LHFPL2: variants seen among roughly 807,000 people sequenced by gnomAD.
LHFPL2 encodes LHFPL tetraspan subfamily member 2.
LHFPL2 carries 7 observed loss-of-function variants against 17.5 expected under a neutral mutation model. That is an observed-to-expected ratio of 0.40 (90% confidence interval 0.23 to 0.75). The LOEUF is 0.75. LHFPL2 is among the 30% of genes least tolerant of loss of function. The pLI is 0.37. For synonymous variants in LHFPL2, 134 were observed against 116.2 expected (o/e 1.15, Z -0.99); for missense variants, 241 against 294.8 (o/e 0.82, Z 1.34).
rs577736306 is a variant in LHFPL2 at position 78,584,603 on chromosome 5, A to T, written c.-244-19732T>A. On this transcript the variant is annotated intron_variant, in intron 2 of 4. Coordinates refer to ENST00000380345, the MANE Select transcript of LHFPL2 (RefSeq NM_005779.3). ...CTCCCAGTTAGGATGCTCGGGGGTC[A>T]GGGGTCAGGGACCCACTTGAGGAGG... Among the ~76,000 whole-genome samples the T allele has an allele frequency of 4.6e-5, 7 of 152,268 alleles. No homozygotes were observed. The South Asian group carries it at 1.5e-3, about 32-fold the overall frequency.
chr5:78,517,804 C>T (rs1023193764), intron 3 of LHFPL2, among the ~76,000 whole-genome samples: 4 of 152,226 alleles, frequency 2.6e-5, no homozygotes, highest in African/African-American at 9.7e-5. Context: ...ACCATACCAG[C>T]ATCTATAGCC....
At position 78,583,511 on chromosome 5, in the gene LHFPL2, G is replaced by A. The variant is rs1453415683; in HGVS notation, c.-244-18640C>T. ...AAAATCTCTCAGCATTTGCTTGTCTGTAAAGTATTTTATTTCTCCTTCACT... is the reference window on the plus strand; with the variant it reads ...AAAATCTCTCAGCATTTGCTTGTCTATAAAGTATTTTATTTCTCCTTCACT... On this transcript the variant is annotated intron_variant, in intron 2 of 4. Coordinates refer to ENST00000380345, the MANE Select transcript of LHFPL2 (RefSeq NM_005779.3). 3.5e-4 allele frequency among the ~76,000 whole-genome samples: 52 copies of A among 150,044 alleles called. 1 individual carries two copies. In the East Asian group the frequency reaches 5.4e-3, roughly 16 times the overall value.
At chr5:78,575,654 T>A (rs1159936121) in intron 2 of LHFPL2, among the ~76,000 whole-genome samples, 2 of 152,216 alleles carry the variant, frequency 1.3e-5, no homozygotes, top group African/African-American at 2.4e-5. Context: ...TGTGTCTTTT[T>A]AAAATGGAAC....
At chr5:78,617,469 T>C (rs1296911142) in intron 2 of LHFPL2, among the ~76,000 whole-genome samples, 1 of 152,174 alleles carries the variant, frequency 6.6e-6, no homozygotes, top group Non-Finnish European at 1.5e-5. Context: ...TCTACCTGCT[T>C]GTAGGCACAC....
chr5:78,598,650 G>A (rs1743904058), intron 2 of LHFPL2, among the ~76,000 whole-genome samples: 2 of 152,234 alleles, frequency 1.3e-5, no homozygotes, highest in Admixed American at 6.5e-5. Flanking sequence ...GATCTTCTGG[G>A]TCAAGACAAC....
At chr5:78,518,168 T>G (rs1374766236) in intron 3 of LHFPL2, among the ~76,000 whole-genome samples, 1 of 152,254 alleles carries the variant, frequency 6.6e-6, no homozygotes, top group Non-Finnish European at 1.5e-5. Context: ...GAATTTTAAA[T>G]GAAAGGTGTT....
At chr5:78,573,504 G>A (rs759639002) in intron 2 of LHFPL2, among the ~76,000 whole-genome samples, 1 of 152,192 alleles carries the variant, frequency 6.6e-6, no homozygotes, top group Non-Finnish European at 1.5e-5. Context: ...GGGAAGTTGA[G>A]GCCAACACAC....
At position 78,553,573 on chromosome 5, in the gene LHFPL2, T is replaced by C. The variant is rs1249319450; in HGVS notation, c.-186+11240A>G. 3.9e-5 allele frequency among the ~76,000 whole-genome samples: 6 copies of C among 152,300 alleles called. No individual in the cohort carries two copies. The East Asian group carries it at 1.2e-3, about 29-fold the overall frequency. ...CAAGAATGGAAGAGCTGATAGGGTA[T>C]TAGGATATATTTTCCAGGTTGTATC... On this transcript the variant is annotated intron_variant, in intron 3 of 4. Coordinates refer to ENST00000380345, the MANE Select transcript of LHFPL2 (RefSeq NM_005779.3).
intron 2 of LHFPL2, among the ~76,000 whole-genome samples, chr5:78,588,918 T>C (rs1053230178): frequency 6.6e-6 from 1 of 152,246 alleles, no homozygotes; most frequent in Non-Finnish European, 1.5e-5. Context: ...ACTTACCTTT[T>C]TCAAGCCATT....
chr5:78,517,276 C>A (rs1561317379), intron 3 of LHFPL2, among the ~76,000 whole-genome samples: 2 of 152,216 alleles, frequency 1.3e-5, no homozygotes, highest in Non-Finnish European at 2.9e-5. Flanking sequence ...CCACTGAGCT[C>A]TTTTGACCCC....
At chr5:78,588,406 T>C (rs774651935) in intron 2 of LHFPL2, among the ~76,000 whole-genome samples, 21 of 152,242 alleles carry the variant, frequency 1.4e-4, no homozygotes, top group Non-Finnish European at 2.8e-4. Context: ...TTTCATTCTA[T>C]AAACACTCAC....
At chr5:78,526,780 T>C (rs1179104913) in intron 3 of LHFPL2, among the ~76,000 whole-genome samples, 1 of 152,122 alleles carries the variant, frequency 6.6e-6, no homozygotes, top group African/African-American at 2.4e-5. Flanking sequence ...AAAAACCAAA[T>C]GAAGAAGACA....
At chr5:78,644,230 T>G in intron 1 of LHFPL2, 1 of 678,908 alleles carries the variant, frequency 1.5e-6, no homozygotes, top group Non-Finnish European at 2.6e-6. Context: ...GTTGAAATGC[T>G]TTATAGATAA....
intron 1 of LHFPL2, among the ~76,000 whole-genome samples, chr5:78,633,097 A>G (rs1025069156): frequency 6.6e-6 from 1 of 152,112 alleles, no homozygotes; most frequent in Admixed American, 6.5e-5. Flanking sequence ...AGGAGAGGAG[A>G]CTGTGATGGT....
chr5:78,640,349 G>A lies in LHFPL2; in HGVS notation c.-349-7981C>T, dbSNP rs183802173. ...CATACCAAACATACCCATTATAAGGGGTGGGGTCTTCCCTATCATTCAGAG... is the reference window on the plus strand; with the variant it reads ...CATACCAAACATACCCATTATAAGGAGTGGGGTCTTCCCTATCATTCAGAG... On this transcript the variant is annotated intron_variant, in intron 1 of 4. Transcript: ENST00000380345. Among the ~76,000 whole-genome samples, 6 of 152,264 alleles carry A rather than the reference G, an allele frequency of 3.9e-5. No homozygotes were observed. The East Asian group carries it at 1.2e-3, about 29-fold the overall frequency.
intron 3 of LHFPL2, among the ~76,000 whole-genome samples, chr5:78,512,103 C>G (rs546864366): frequency 6.6e-6 from 1 of 152,176 alleles, no homozygotes; most frequent in Non-Finnish European, 1.5e-5. Context: ...AATATCAACT[C>G]CCTGCCCTCC....
intron 3 of LHFPL2, among the ~76,000 whole-genome samples, chr5:78,560,601 C>A (rs1756699429): frequency 6.6e-6 from 1 of 152,170 alleles, no homozygotes. Context: ...GCTCTGAGGG[C>A]TCCCCTTGAC....
chr5:78,569,158 C>T (rs999859889), intron 2 of LHFPL2, among the ~76,000 whole-genome samples: 4 of 152,256 alleles, frequency 2.6e-5, no homozygotes, highest in Middle Eastern at 3.4e-3. Flanking sequence ...AGACTTGAAG[C>T]ACCGAGGCAA....
At chr5:78,494,368 G>T (rs558348824) in intron 4 of LHFPL2, 1 of 985,190 alleles carries the variant, frequency 1.0e-6, no homozygotes, top group South Asian at 4.7e-5. Flanking sequence ...TCACCTCTGC[G>T]ATGGCTCAAC....
Sources: allele counts gnomAD v4.1 joint callset (sites outside exome capture counted in the v4.1 genomes callset), GRCh38; gene constraint gnomAD v4.1.1; transcripts MANE v1.5; gene names NCBI Gene and HGNC (gene_info 2026-07-23, HGNC 2026-07-21).